The following ZNF385D variants were observed in gnomAD, a reference collection of about 807,000 sequenced individuals.
ZNF385D encodes the protein zinc finger protein 659.
In ZNF385D, 15 loss-of-function variants were observed where a neutral mutation model predicts 35.8. That is an observed-to-expected ratio of 0.42 (90% confidence interval 0.28 to 0.64). The LOEUF (loss-of-function observed/expected upper bound fraction) is 0.64. Among genes scored for constraint, ZNF385D ranks in the 30% least tolerant of loss-of-function variants. The probability of loss-of-function intolerance (pLI) is 0.23; values close to 1 mark genes in which losing one functional copy is unlikely to be tolerated. For missense variants in ZNF385D, 474 were observed against 494.6 expected, an observed-to-expected ratio of 0.96 and a Z score of 0.39; for synonymous variants, 212 against 186.8, an observed-to-expected ratio of 1.13 and a Z score of -1.10.
In ZNF385D at chr3:21,417,238, T is replaced by C. The variant is rs964681269; in HGVS notation, c.*3976A>G. The C allele has an allele frequency of 3.3e-5, 5 of 152,114 alleles. No individual in the cohort carries two copies. The highest frequency in any genetic ancestry group is 3.3e-4 in the Admixed American group (5 of 15,262). The allele number at this position is 152,114 out of a possible 1,614,324, so 9.4% of individuals were successfully genotyped here. Reference sequence around the variant, plus strand: ...AAAAGCAATGCCCCTCTAGTGCTGATGTATTAAACCAGCTTAGCTATTAAT... The same window carrying C: ...AAAAGCAATGCCCCTCTAGTGCTGACGTATTAAACCAGCTTAGCTATTAAT... On this transcript the variant is annotated 3_prime_UTR_variant, in exon 8 of 8. Coordinates refer to ENST00000281523, the MANE Select transcript of ZNF385D (RefSeq NM_024697.3).
At chr3:21,816,707 A>G (rs1022430176) in intron 3 of ZNF385D, among the ~76,000 whole-genome samples, 1 of 152,210 alleles carries the variant, frequency 6.6e-6, no homozygotes, top group African/African-American at 2.4e-5. Context: ...ATGGAAGAAC[A>G]TTCCATGCTC....
chr3:22,144,275 A>G (rs576627791), intron 3 of ZNF385D, among the ~76,000 whole-genome samples: 1 of 152,206 alleles, frequency 6.6e-6, no homozygotes, highest in Non-Finnish European at 1.5e-5. Flanking sequence ...AAGAGATTTT[A>G]TACATTTAAA....
chr3:22,017,319 A>G (rs897770005), intron 3 of ZNF385D, among the ~76,000 whole-genome samples: 1 of 152,016 alleles, frequency 6.6e-6, no homozygotes, highest in African/African-American at 2.4e-5. Context: ...TATTTCTCAA[A>G]TAAGATTTTA....
intron 3 of ZNF385D, among the ~76,000 whole-genome samples, chr3:21,562,264 A>T (rs913026899): frequency 3.3e-5 from 5 of 152,210 alleles, no homozygotes; most frequent in Admixed American, 2.0e-4. Flanking sequence ...GTGTTATGTC[A>T]TATCAATTTA....
At chr3:21,856,588 T>C (rs1035947535) in intron 3 of ZNF385D, among the ~76,000 whole-genome samples, 5 of 152,052 alleles carry the variant, frequency 3.3e-5, no homozygotes, top group Non-Finnish European at 5.9e-5. Context: ...CTTTTTCATA[T>C]AAACTAGTAG....
chr3:22,368,651 C>T (rs1696765190), intron 2 of ZNF385D, among the ~76,000 whole-genome samples: 2 of 152,154 alleles, frequency 1.3e-5, no homozygotes, highest in Admixed American at 1.3e-4. Context: ...TGCATCTTCA[C>T]ATGACAAAGA....
chr3:22,007,608 A>G (rs923264735), intron 3 of ZNF385D, among the ~76,000 whole-genome samples: 1 of 152,214 alleles, frequency 6.6e-6, no homozygotes, highest in Non-Finnish European at 1.5e-5. Flanking sequence ...TGAGCCATGT[A>G]TGAAAGTAGG....
At chr3:22,286,230 T>G (rs897594157) in intron 2 of ZNF385D, among the ~76,000 whole-genome samples, 1 of 152,064 alleles carries the variant, frequency 6.6e-6, no homozygotes, top group Non-Finnish European at 1.5e-5. Context: ...TGTCTAATTC[T>G]TCTTCTACAG....
intron 3 of ZNF385D, among the ~76,000 whole-genome samples, chr3:21,847,660 C>T (rs1696096399): frequency 6.6e-6 from 1 of 151,852 alleles, no homozygotes; most frequent in African/African-American, 2.4e-5. Context: ...TTTTTATATC[C>T]TCCAAAATTA....
chr3:22,363,665 T>G (rs557497135), intron 2 of ZNF385D, among the ~76,000 whole-genome samples: 1 of 152,138 alleles, frequency 6.6e-6, no homozygotes, highest in Admixed American at 6.5e-5. Context: ...GTTTAAAAAC[T>G]TATGGTTAAA....
At position 21,859,559 on chromosome 3, in the gene ZNF385D, T is replaced by G. The variant is rs558300605; in HGVS notation, c.326-194531A>C. ...TTCAGGAAAAAGAGAGAAAACAGCA[T>G]GTCTCATGCCATGTCAAGGTGCAGG... On this transcript the variant is annotated intron_variant, in intron 3 of 5. Coordinates refer to the ZNF385D transcript ENST00000494108. Among the ~76,000 whole-genome samples, 5 of 152,076 alleles carry G rather than the reference T, an allele frequency of 3.3e-5. No individual in the cohort carries two copies. In the South Asian group the frequency reaches 8.3e-4, roughly 25 times the overall value.
In ZNF385D at chr3:21,500,347, G is replaced by T. The variant is rs899011381; in HGVS notation, c.439+10514C>A. On this transcript the variant is annotated intron_variant, in intron 4 of 7. Transcript: ENST00000281523. ...TTTGCTAGGTTTAATGTAAAACTGT[G>T]CTAGTTGCTAGAATAAAGATGTATG... 2.0e-5 allele frequency among the ~76,000 whole-genome samples: 3 copies of T among 152,142 alleles called. 1 individual carries two copies. Among genetic ancestry groups the T allele is most frequent in the Admixed American group, 2.0e-4 (3 of 15,266 alleles).
chr3:21,445,811 T>G (rs1304406712), intron 4 of ZNF385D, among the ~76,000 whole-genome samples: 2 of 152,196 alleles, frequency 1.3e-5, no homozygotes, highest in African/African-American at 2.4e-5. Context: ...GACTGAAAAT[T>G]GGCATAGCAA....
intron 3 of ZNF385D, among the ~76,000 whole-genome samples, chr3:21,892,913 GT>G (rs775553480): frequency 6.6e-6 from 1 of 152,116 alleles, no homozygotes; most frequent in Non-Finnish European, 1.5e-5. Context: ...GTCAGAGTAA[GT>G]GACATATTGT....
chr3:22,040,254 T>C (rs955051336), intron 3 of ZNF385D, among the ~76,000 whole-genome samples: 1 of 152,328 alleles, frequency 6.6e-6, no homozygotes, highest in African/African-American at 2.4e-5. Flanking sequence ...GAGTACATCA[T>C]CTGTTGTCTG....
intron 2 of ZNF385D, among the ~76,000 whole-genome samples, chr3:22,174,133 C>T (rs1351145158): frequency 6.6e-6 from 1 of 152,064 alleles, no homozygotes; most frequent in African/African-American, 2.4e-5. Flanking sequence ...TATTGCAACT[C>T]CCACAATCAT....
At chr3:22,160,520 G>A (rs1032897039) in intron 3 of ZNF385D, among the ~76,000 whole-genome samples, 2 of 152,018 alleles carry the variant, frequency 1.3e-5, no homozygotes, top group Admixed American at 6.6e-5. Flanking sequence ...CTTGTAAATT[G>A]AAAATCTTCT....
chr3:22,169,275 C>G lies in ZNF385D; in HGVS notation c.107-240G>C, dbSNP rs545964384. Among the ~76,000 whole-genome samples, 5 of 152,208 alleles carry G rather than the reference C, an allele frequency of 3.3e-5. No homozygotes were observed. The South Asian group carries it at 1.0e-3, about 32-fold the overall frequency. On this transcript the variant is annotated intron_variant, in intron 2 of 5. Transcript: ENST00000494108. ...AATACTGTGCTATATGTTTTTATTA[C>G]TTCATTTAATTATCATAACAATGTA... is the stretch of plus-strand genomic sequence containing the variant.
At chr3:22,083,420 G>C (rs1202827974) in intron 3 of ZNF385D, among the ~76,000 whole-genome samples, 2 of 152,174 alleles carry the variant, frequency 1.3e-5, no homozygotes, top group African/African-American at 4.8e-5. Context: ...CATGGCACAA[G>C]AACTACGTGA....
Sources: gnomAD v4.1 joint callset for allele counts (sites outside exome capture counted in the v4.1 genomes callset) on GRCh38, gnomAD v4.1.1 for gene constraint, MANE v1.5 for transcripts, NCBI Gene and HGNC (gene_info 2026-07-23, HGNC 2026-07-21) for gene names.